PNPLA6: variants seen among roughly 807,000 people sequenced by gnomAD.
PNPLA6 encodes the protein patatin-like phospholipase domain-containing protein 6.
In PNPLA6, 105 loss-of-function variants were observed where a neutral mutation model predicts 153.7. The observed-to-expected ratio is 0.68, with a 90% CI of 0.58 to 0.80. The LOEUF is 0.80. Ranked by LOEUF, PNPLA6 falls within the 30% of genes least tolerant of loss-of-function variation. The pLI, the probability that PNPLA6 is intolerant of heterozygous loss-of-function variation, is 0.00. For synonymous variants in PNPLA6, 825 were observed against 822.2 expected (o/e 1.00, Z -0.06); for missense variants, 1,423 against 1,919.3 (o/e 0.74, Z 4.83).
intron 3 of PNPLA6, among the ~76,000 whole-genome samples, chr19:7,537,166 A>G (rs1469256448): frequency 6.6e-6 from 1 of 152,066 alleles, no homozygotes; most frequent in Non-Finnish European, 1.5e-5. Flanking sequence ...GGTCTACATC[A>G]GGGGTTTCCA....
At chr19:7,547,105 A>T (rs367672774) in intron 13 of PNPLA6, among the ~76,000 whole-genome samples, 8 of 152,200 alleles carry the variant, frequency 5.3e-5, no homozygotes, top group Middle Eastern at 3.4e-3. Flanking sequence ...CGGTTTCACC[A>T]TATTGGTCAG....
intron 28 of PNPLA6, among the ~76,000 whole-genome samples, chr19:7,560,342 T>G (rs2024048497): frequency 6.6e-6 from 1 of 152,118 alleles, no homozygotes; most frequent in East Asian, 1.9e-4. Flanking sequence ...CATCCACAGA[T>G]GTACTGCCTG....
intron 13 of PNPLA6, among the ~76,000 whole-genome samples, chr19:7,544,120 T>TG (rs1180938836): frequency 1.3e-5 from 2 of 149,446 alleles, no homozygotes; most frequent in Admixed American, 6.7e-5. Context: ...GCCTTTTTTT[T>TG]TTTGTTTTGA....
intron 28 of PNPLA6, among the ~76,000 whole-genome samples, chr19:7,559,372 A>C (rs146280504): frequency 6.6e-6 from 1 of 152,194 alleles, no homozygotes; most frequent in Non-Finnish European, 1.5e-5. Flanking sequence ...CTTATAGGCC[A>C]GCTGCACCCC....
intron 29 of PNPLA6, 93 bp downstream of exon 29, chr19:7,560,857 C>A: frequency 1.1e-6 from 1 of 923,590 alleles, no homozygotes; most frequent in Non-Finnish European, 1.8e-6. Flanking sequence ...GATGACCCCA[C>A]ATGTCCCTGG....
At chr19:7,560,979 C>CT in intron 29 of PNPLA6, 35 bp from the exon 30 acceptor site, 4 of 1,380,510 alleles carry the variant, frequency 2.9e-6, no homozygotes, top group East Asian at 2.6e-5. Context: ...ACTCTGTGGG[C>CT]CCCCCCTAAG....
chr19:7,556,929 C>A, intron 26 of PNPLA6: 1 of 684,508 alleles, frequency 1.5e-6, no homozygotes, highest in Non-Finnish European at 2.7e-6. Flanking sequence ...CAGGGAGACT[C>A]GTCGGACGCC....
At position 7,539,973 on chromosome 19, in the gene PNPLA6, G is replaced by T. The variant is rs767940871; in HGVS notation, c.469G>T (p.Ala157Ser). The T allele has an allele frequency of 8.9e-6, 14 of 1,578,452 alleles. No individual in the cohort carries two copies. Among genetic ancestry groups the T allele is most frequent in the Admixed American group, 1.8e-5 (1 of 54,768 alleles). The change falls in exon 4 of 32, where the codon GCA (alanine) becomes TCA (serine). Residue 157 changes from alanine to serine, a missense_variant. This residue lies in a region of PNPLA6 where 74 missense variants were observed against 171.3 expected (regional missense o/e 0.43). Transcript: ENST00000600737. ...PTLQRKEPPPAVLEADLTEGD... is the reference protein window; with the variant it reads ...PTLQRKEPPPSVLEADLTEGD... ...GCTGCAGCGGAAGGAGCCCCCGCCC[G>T]CAGTGCTAGAAGCTGACCTGACCGA... is the stretch of plus-strand genomic sequence containing the variant.
rs2023922444 is a variant in PNPLA6 at position 7,557,284 on chromosome 19, G to A, written c.3397G>A (p.Ala1133Thr). The change falls in exon 27 of 32, where the codon GCG (alanine) becomes ACG (threonine). Residue 1133 changes from alanine to threonine, a missense_variant and splice_region_variant. By Grantham distance (58) the Ala-to-Thr change is moderately conservative (BLOSUM62 0). Coordinates refer to ENST00000600737, the MANE Select transcript of PNPLA6 (RefSeq NM_001166114.2). ...TGGCGGCTACATCAACAATCTGCCA[G>A]GCAAGTGGCCGCCCGCACCACCCGC... ...MDGGYINNLP[A>T]DIARSMGAKT... The A allele has an allele frequency of 1.9e-6, 3 of 1,595,012 alleles. No homozygotes were observed. The highest frequency in any genetic ancestry group is 2.6e-6 in the Non-Finnish European group (3 of 1,164,306).
In PNPLA6 at chr19:7,557,186, TG is replaced by T. The variant is rs756591718; in HGVS notation, c.3300del (p.Arg1101AlafsTer4). 3.1e-6 allele frequency: 5 copies of T among 1,612,760 alleles called. No individual in the cohort carries two copies. The African/African-American group carries it at 5.3e-5, about 17-fold the overall frequency. ...CGCGCAGGCTCCCTGTGGCGGTACG[TG>T]CGCGCCAGCATGACGCTGTCGGGCT... Reference protein sequence around the residue: ...VHKDGSLWRYVRASMTLSGYL... With the variant: ...VHKDGSLWRYXRASMTLSGYL... On this transcript the variant is annotated frameshift_variant, in exon 27 of 32. Coordinates refer to ENST00000600737, the MANE Select transcript of PNPLA6 (RefSeq NM_001166114.2). LOFTEE classifies it high-confidence loss of function.
In PNPLA6 at chr19:7,542,673, A is replaced by G; in HGVS notation, c.1362+3A>G. On this transcript the variant is annotated splice_donor_region_variant and intron_variant, in intron 11 of 31. Coordinates refer to ENST00000600737, the MANE Select transcript of PNPLA6 (RefSeq NM_001166114.2). ...GGTCCCTGGCAGCCCCCGCTCGGGT[A>G]AGGCTTGGGACCCTGCCCGGTGGTG... 1 of 1,612,602 alleles carries G rather than the reference A, an allele frequency of 6.2e-7. No individual in the cohort carries two copies.
At chr19:7,535,712 G>T, upstream of PNPLA6, 1 of 1,521,726 alleles carries the variant, frequency 6.6e-7, no homozygotes. This position sits in a 1 kb window ranked among gnomAD's most constrained non-coding sequence, Gnocchi z 5.0. Flanking sequence ...TACGTTTCCC[G>T]GCATGCACTG....
Position 7,555,057 on chromosome 19 carries a change from C to T in PNPLA6, c.2799C>T (p.Arg933=), listed in dbSNP as rs1247214142. The T allele has an allele frequency of 1.3e-6, 2 of 1,593,030 alleles. No individual in the cohort carries two copies. Among genetic ancestry groups the T allele is most frequent in the Non-Finnish European group, 1.7e-6 (2 of 1,178,050 alleles). Residue 933 remains arginine (R), a synonymous_variant, in exon 22 of 32, where the codon CGC becomes CGT. Transcript: ENST00000600737. This position sits in a 1 kb window ranked among gnomAD's most constrained non-coding sequence, Gnocchi z 6.3. ...HLRCPRRLFS[R]RSPAKLHELY... ...GCTGTCCGCGCCGCCTCTTTTCGCG[C>T]CGCAGCCCTGCCAAGCTGGTGAGGA...
chr19:7,548,656 T>C (rs997284100), intron 13 of PNPLA6, among the ~76,000 whole-genome samples: 2 of 151,986 alleles, frequency 1.3e-5, no homozygotes, highest in African/African-American at 4.8e-5. Flanking sequence ...AATTTTTTTT[T>C]CCTGAATATT....
At chr19:7,552,285 TG>T (rs1194193841) in intron 18 of PNPLA6, among the ~76,000 whole-genome samples, 1 of 151,988 alleles carries the variant, frequency 6.6e-6, no homozygotes, top group Non-Finnish European at 1.5e-5. Context: ...GGGCGTGCGG[TG>T]GGGTTGGAGG....
At chr19:7,560,846 A>T in intron 29 of PNPLA6, 82 bp downstream of exon 29, 2 of 971,150 alleles carry the variant, frequency 2.1e-6, no homozygotes, top group Admixed American at 3.7e-5. Flanking sequence ...CCGAAACCTC[A>T]GATGACCCCA....
In PNPLA6 at chr19:7,550,100, C is replaced by G; in HGVS notation, c.1802C>G (p.Ser601Cys). 1 of 1,614,082 alleles carries G rather than the reference C, an allele frequency of 6.2e-7. No individual in the cohort carries two copies. The highest frequency in any genetic ancestry group is 2.2e-5 in the East Asian group (1 of 44,888). The change falls in exon 14 of 32, where the codon TCC (serine) becomes TGC (cysteine). Residue 601 changes from serine (S) to cysteine (C), a missense_variant. By Grantham distance (112) the Ser-to-Cys change is moderately radical (BLOSUM62 -1). Transcript: ENST00000600737. The part of the protein sequence containing the change: ...RDCTFLRISK[S>C]DFYEIMRAQP... ...TGCACCTTCCTGCGGATCTCCAAGT[C>G]CGACTTCTATGAGTATGACAGCCCG...
At chr19:7,538,993 G>A (rs1398611162) in intron 3 of PNPLA6, among the ~76,000 whole-genome samples, 5 of 152,142 alleles carry the variant, frequency 3.3e-5, no homozygotes, top group Non-Finnish European at 7.3e-5. Flanking sequence ...CTAGTGGAGG[G>A]GCCATCTCAG....
intron 13 of PNPLA6, among the ~76,000 whole-genome samples, chr19:7,546,395 G>A (rs985049738): frequency 3.1e-4 from 47 of 152,140 alleles, no homozygotes; most frequent in African/African-American, 1.1e-3. Context: ...TTGGAAGGCC[G>A]CGGCGGGAGG....
Sources: gnomAD v4.1 joint callset for allele counts (sites outside exome capture counted in the v4.1 genomes callset) on GRCh38, gnomAD v4.1.1 for gene constraint, gnomAD v4.1.1 regional missense constraint, Gnocchi (gnomAD v3.1) non-coding constraint, MANE v1.5 for transcripts, NCBI Gene and HGNC (gene_info 2026-07-23, HGNC 2026-07-21) for gene names.